SENP6: variants seen among roughly 807,000 people sequenced by gnomAD.
The protein encoded by SENP6 is SUMO specific peptidase 6, also known as sentrin-specific protease 6.
Under a neutral mutation model 134.5 loss-of-function variants are expected in SENP6, and 41 were observed. That is an observed-to-expected ratio of 0.30 (90% CI 0.24 to 0.40). SENP6 has a LOEUF of 0.40. SENP6 is among the 10% of genes least tolerant of loss of function. SENP6 has a pLI of 1.00. For synonymous variants in SENP6, 395 were observed against 429.8 expected (o/e 0.92, Z 1.00); for missense variants, 1,248 against 1,312.5 (o/e 0.95, Z 0.76).
At chr6:75,620,082 C>CAAA (rs10526946) in intron 1 of SENP6, among the ~76,000 whole-genome samples, 68 of 127,818 alleles carry the variant, frequency 5.3e-4, no homozygotes, top group African/African-American at 1.4e-3. Context: ...TACCTTGCCT[C>CAAA]AAAAAAAAAA....
At chr6:75,643,837 A>G (rs906093868) in intron 6 of SENP6, among the ~76,000 whole-genome samples, 1 of 152,236 alleles carries the variant, frequency 6.6e-6, no homozygotes, top group African/African-American at 2.4e-5. Flanking sequence ...ATAAGACTTG[A>G]TTCATTTTCA....
chr6:75,695,506 G>A (rs1364437933), intron 16 of SENP6, among the ~76,000 whole-genome samples: 1 of 152,232 alleles, frequency 6.6e-6, no homozygotes, highest in Non-Finnish European at 1.5e-5. Context: ...GGAGGCTGAG[G>A]CGGGCGGATT....
Position 75,638,555 on chromosome 6 carries a change from AGT to A in SENP6, c.459-2094_459-2093del, listed in dbSNP as rs59936116. Among the ~76,000 whole-genome samples the A allele has an allele frequency of 2.0e-3, 52 of 26,342 alleles. 1 individual carries two copies. The highest frequency in any genetic ancestry group is 6.9e-3 in the African/African-American group (44 of 6,420). 17.3% of individuals were successfully genotyped at this position (26,342 alleles called of 152,430 possible). On this transcript the variant is annotated intron_variant, in intron 5 of 23. Transcript: ENST00000447266. ...AGCATTGATGTGTCTTTGTGTGTGT[AGT>A]GTGTGTGTGTGTGTGTGTGTGTGTG...
rs187274485 is a variant in SENP6 at position 75,602,477 on chromosome 6, G to A, written c.-48G>A. The A allele has an allele frequency of 1.3e-4, 200 of 1,548,500 alleles. No individual in the cohort carries two copies. In the African/African-American group the frequency reaches 2.1e-3, roughly 16 times the overall value. On this transcript the variant is annotated 5_prime_UTR_variant, in exon 1 of 24. Transcript: ENST00000447266. Reference sequence around the variant, plus strand: ...GGCCCCTCATCCCGGCGAGCACGGCGGCGGTGTGGGCCATGGATTAAGAAG... The same window carrying A: ...GGCCCCTCATCCCGGCGAGCACGGCAGCGGTGTGGGCCATGGATTAAGAAG...
chr6:75,602,421 C>A lies in SENP6; in HGVS notation c.-104C>A. The stretch of plus-strand genomic sequence containing the variant: ...GCCTGACGGCTGAGCCCGAGGCCCG[C>A]AACCCTGCGGCGTCTACCCTCCTCC... On this transcript the variant is annotated 5_prime_UTR_variant, in exon 1 of 24. Coordinates refer to ENST00000447266, the MANE Select transcript of SENP6 (RefSeq NM_015571.4). 3 of 1,361,576 alleles carry A rather than the reference C, an allele frequency of 2.2e-6. No individual in the cohort carries two copies. Among genetic ancestry groups the A allele is most frequent in the South Asian group, 1.3e-5 (1 of 78,222 alleles). 84.3% of individuals were successfully genotyped at this position (1,361,576 alleles called of 1,614,324 possible). A position where few individuals can be genotyped will look rare whatever the true frequency, so the allele number is the denominator to read the frequency against.
chr6:75,713,963 A>G (rs1775897491), intron 23 of SENP6, 138 bp downstream of exon 23: 1 of 661,794 alleles, frequency 1.5e-6, no homozygotes, highest in African/African-American at 1.8e-5. Flanking sequence ...ATGGAGCAAA[A>G]ACTTCTAAAT....
At chr6:75,695,764 T>C (rs1481844093) in intron 16 of SENP6, 40 bp from the exon 17 acceptor site, 3 of 1,466,554 alleles carry the variant, frequency 2.0e-6, no homozygotes, top group Non-Finnish European at 2.8e-6. Context: ...TAAAGTGAAC[T>C]GTTACATTAA....
chr6:75,607,909 G>A, intron 1 of SENP6, among the ~76,000 whole-genome samples: 1 of 137,560 alleles, frequency 7.3e-6, no homozygotes, highest in Non-Finnish European at 1.7e-5. Context: ...TTGAACTAGA[G>A]CACAGCTTCT....
chr6:75,633,173 G>T (rs1769239313), intron 3 of SENP6, among the ~76,000 whole-genome samples: 1 of 152,062 alleles, frequency 6.6e-6, no homozygotes, highest in African/African-American at 2.4e-5. Context: ...TGATACTAAG[G>T]CAAAAGTTCT....
chr6:75,635,416 A>C (rs1194870241), intron 5 of SENP6, among the ~76,000 whole-genome samples: 7 of 152,180 alleles, frequency 4.6e-5, no homozygotes, highest in Non-Finnish European at 8.8e-5. Flanking sequence ...CATTATAAAC[A>C]GTTCCTTATA....
At chr6:75,659,172 G>T in intron 7 of SENP6, 90 bp from the exon 8 acceptor site, 1 of 898,988 alleles carries the variant, frequency 1.1e-6, no homozygotes. Flanking sequence ...TATAATTATT[G>T]GTTTAGTCTT....
At chr6:75,678,787 G>C in intron 15 of SENP6, 24 bp from the exon 16 acceptor site, 2 of 1,449,766 alleles carry the variant, frequency 1.4e-6, no homozygotes, top group Non-Finnish European at 1.9e-6. Flanking sequence ...TTGTTTATTT[G>C]CTTGCCTTCT....
At chr6:75,642,102 A>G (rs1223111216) in intron 6 of SENP6, among the ~76,000 whole-genome samples, 1 of 152,230 alleles carries the variant, frequency 6.6e-6, no homozygotes, top group Non-Finnish European at 1.5e-5. Context: ...ATTGTTTGAA[A>G]TGGTAAATAT....
At chr6:75,659,183 A>T (rs1368657726) in intron 7 of SENP6, 79 bp from the exon 8 acceptor site, 1 of 1,039,234 alleles carries the variant, frequency 9.6e-7, no homozygotes. Context: ...GTTTAGTCTT[A>T]TGTTCTGATT....
rs1232284740 is a variant in SENP6 at position 75,675,908 on chromosome 6, C to T, written c.1475C>T (p.Thr492Ile). 1 of 1,610,574 alleles carries T rather than the reference C, an allele frequency of 6.2e-7. No individual in the cohort carries two copies. Among genetic ancestry groups the T allele is most frequent in the Non-Finnish European group, 8.5e-7 (1 of 1,178,738 alleles). The change falls in exon 13 of 24, where the codon ACT (threonine) becomes ATT (isoleucine). Residue 492 changes from threonine to isoleucine, a missense_variant. Thr to Ile is a moderately conservative substitution (Grantham distance 89). Transcript: ENST00000447266. ...VEIILNTSDL[T>I]KCEWCNVRKL... ...ATTATATTAAATACCTCTGATCTAA[C>T]TAAATGTGAATGGTGTAATGTCCGA...
At chr6:75,614,348 C>G (rs1767690520) in intron 1 of SENP6, among the ~76,000 whole-genome samples, 1 of 151,584 alleles carries the variant, frequency 6.6e-6, no homozygotes, top group Non-Finnish European at 1.5e-5. Flanking sequence ...TCACTGCAAC[C>G]TCTGCCTCCC....
intron 18 of SENP6, among the ~76,000 whole-genome samples, chr6:75,699,767 G>A (rs1341072325): frequency 6.6e-6 from 1 of 152,146 alleles, no homozygotes; most frequent in East Asian, 1.9e-4. Context: ...TGGGATTACA[G>A]GCATGTGCCA....
chr6:75,638,404 A>G (rs1769693814), intron 5 of SENP6, among the ~76,000 whole-genome samples: 1 of 150,096 alleles, frequency 6.7e-6, no homozygotes, highest in South Asian at 2.1e-4. Context: ...GTTTTATTTT[A>G]ACATGAAAGC....
At chr6:75,648,516 A>AT (rs919067689) in intron 7 of SENP6, among the ~76,000 whole-genome samples, 6 of 150,690 alleles carry the variant, frequency 4.0e-5, no homozygotes, top group Admixed American at 2.7e-4. Context: ...AAACACCCAC[A>AT]TTTTTTTTTC....
Sources: allele counts gnomAD v4.1 joint callset (sites outside exome capture counted in the v4.1 genomes callset), GRCh38; gene constraint gnomAD v4.1.1; transcripts MANE v1.5; gene names NCBI Gene and HGNC (gene_info 2026-07-23, HGNC 2026-07-21).